Variants in MAGI2 observed in about 807,000 individuals in gnomAD.
The protein encoded by MAGI2 is membrane associated guanylate kinase, WW and PDZ domain containing 2, also known as membrane-associated guanylate kinase, WW and PDZ domain-containing protein 2.
Under a neutral mutation model 133.3 loss-of-function variants are expected in MAGI2, and 35 were observed. That is an observed-to-expected ratio of 0.26 (90% CI 0.20 to 0.35). The LOEUF is 0.35. Among genes scored for constraint, MAGI2 ranks in the 10% least tolerant of loss-of-function variants. The probability of loss-of-function intolerance (pLI) is 1.00; values close to 1 mark genes in which losing one functional copy is unlikely to be tolerated. For synonymous variants in MAGI2, 729 were observed against 710.6 expected (o/e 1.03, Z -0.41); for missense variants, 1,636 against 1,863.4 (o/e 0.88, Z 2.25).
intron 21 of MAGI2, among the ~76,000 whole-genome samples, chr7:78,049,428 G>C (rs912713284): frequency 6.6e-6 from 1 of 152,182 alleles, no homozygotes; most frequent in African/African-American, 2.4e-5. Context: ...ATTTTACTTA[G>C]TGCTCCTACC....
At chr7:78,658,044 G>T (rs945523826) in intron 2 of MAGI2, among the ~76,000 whole-genome samples, 1 of 152,166 alleles carries the variant, frequency 6.6e-6, no homozygotes, top group Non-Finnish European at 1.5e-5. Context: ...TTCTGAAGGA[G>T]ATTGTGCAGA....
At chr7:79,422,357 A>G (rs764117216) in intron 1 of MAGI2, among the ~76,000 whole-genome samples, 1 of 151,952 alleles carries the variant, frequency 6.6e-6, no homozygotes, top group Non-Finnish European at 1.5e-5. Context: ...AAATCATGAG[A>G]TATTATTTGA....
chr7:78,144,018 C>T (rs749995542), intron 16 of MAGI2, among the ~76,000 whole-genome samples: 1 of 151,034 alleles, frequency 6.6e-6, no homozygotes, highest in Non-Finnish European at 1.5e-5. Flanking sequence ...ACCAATTGCT[C>T]TCAATATGAT....
At chr7:79,197,907 T>C (rs1828232213) in intron 1 of MAGI2, among the ~76,000 whole-genome samples, 1 of 151,926 alleles carries the variant, frequency 6.6e-6, no homozygotes, top group Non-Finnish European at 1.5e-5. Flanking sequence ...TATTGCATTG[T>C]GGATTACATT....
In MAGI2 at chr7:79,416,725, C is replaced by CTTTTTTTTTT. The variant is rs1176426138; in HGVS notation, c.301+36294_301+36295insAAAAAAAAAA. Among the ~76,000 whole-genome samples the CTTTTTTTTTT allele has an allele frequency of 4.8e-4, 49 of 102,456 alleles. 14 individuals carry two copies. The highest frequency in any genetic ancestry group is 5.8e-4 in the African/African-American group (14 of 24,046). The allele number at this position is 102,456 out of a possible 152,430, so 67.2% of individuals were successfully genotyped here. A position where few individuals can be genotyped will look rare whatever the true frequency, so the allele number is the denominator to read the frequency against. On this transcript the variant is annotated intron_variant, in intron 1 of 21. Transcript: ENST00000354212. ...TTCTTTTTTCTTTTCTTTTCTTTTT[C>CTTTTTTTTTT]TTTTTCTTTTTTTTTTTTTGAGGTG...
intron 3 of MAGI2, among the ~76,000 whole-genome samples, chr7:78,557,097 AAAAGAAAAAG>A (rs1799918700): frequency 7.2e-6 from 1 of 138,960 alleles, no homozygotes; most frequent in African/African-American, 3.0e-5. Flanking sequence ...AAAAAAAAAA[AAAAGAAAAAG>A]AAAAAAAAAG....
chr7:79,212,901 T>G (rs1347323513), intron 1 of MAGI2, among the ~76,000 whole-genome samples: 2 of 151,956 alleles, frequency 1.3e-5, no homozygotes, highest in African/African-American at 2.4e-5. Flanking sequence ...CTTCCTCTCT[T>G]GAGGGGTTTT....
chr7:78,521,536 C>T lies in MAGI2; in HGVS notation c.648G>A (p.Lys216=), dbSNP rs890975677. The T allele has an allele frequency of 2.5e-6, 4 of 1,614,120 alleles. No individual in the cohort carries two copies. In the East Asian group the frequency reaches 6.7e-5, roughly 27 times the overall value. Reference sequence around the variant, plus strand: ...CCATGTTGCTCACTGATTTATTCCTCTTCCGTTTTCCTTCAGCACTTGGAG... The same window carrying T: ...CCATGTTGCTCACTGATTTATTCCTTTTCCGTTTTCCTTCAGCACTTGGAG... ...GATPSAEGKR[K]RNKSVSNMEK... is the part of the protein sequence containing the mutation. Residue 216 remains lysine, a synonymous_variant, in exon 4 of 22, where the codon AAG becomes AAA. Transcript: ENST00000354212.
chr7:78,813,316 A>G (rs1789238244), intron 2 of MAGI2, among the ~76,000 whole-genome samples: 2 of 152,202 alleles, frequency 1.3e-5, no homozygotes. Flanking sequence ...CAAATAAATC[A>G]GTAATAAAGA....
chr7:78,745,493 G>T (rs779168598), intron 2 of MAGI2, among the ~76,000 whole-genome samples: 1 of 151,882 alleles, frequency 6.6e-6, no homozygotes, highest in African/African-American at 2.4e-5. Flanking sequence ...TGGTCAAGGT[G>T]TGTGCTTTCT....
chr7:78,420,872 T>A (rs774712773), intron 6 of MAGI2, among the ~76,000 whole-genome samples: 1 of 152,166 alleles, frequency 6.6e-6, no homozygotes, highest in Non-Finnish European at 1.5e-5. Flanking sequence ...AATGAATTAT[T>A]TTTGCATGAT....
At chr7:78,783,289 A>G (rs895950209) in intron 2 of MAGI2, among the ~76,000 whole-genome samples, 1 of 152,132 alleles carries the variant, frequency 6.6e-6, no homozygotes, top group African/African-American at 2.4e-5. Flanking sequence ...AGTATCTTTT[A>G]CTAACAAAAC....
At chr7:78,610,212 T>A (rs1290137190) in intron 3 of MAGI2, among the ~76,000 whole-genome samples, 1 of 152,170 alleles carries the variant, frequency 6.6e-6, no homozygotes, top group Non-Finnish European at 1.5e-5. Flanking sequence ...CCTAGTTGGA[T>A]TGTAATTGTG....
chr7:78,828,336 T>G (rs1025853313), intron 2 of MAGI2, among the ~76,000 whole-genome samples: 1 of 152,222 alleles, frequency 6.6e-6, no homozygotes. Flanking sequence ...TGATAAGCCA[T>G]GTTGATAGCA....
chr7:78,565,370 TA>T (rs1203865132), intron 3 of MAGI2, among the ~76,000 whole-genome samples: 6 of 151,256 alleles, frequency 4.0e-5, no homozygotes, highest in African/African-American at 1.5e-4. Flanking sequence ...GAGGCTGAAG[TA>T]GGAGGATCGT....
intron 1 of MAGI2, among the ~76,000 whole-genome samples, chr7:79,268,262 A>T (rs1268045355): frequency 6.6e-6 from 1 of 152,184 alleles, no homozygotes; most frequent in East Asian, 1.9e-4. Context: ...GAACCTCAAC[A>T]CTGGAAATGT....
intron 1 of MAGI2, among the ~76,000 whole-genome samples, chr7:79,276,453 T>G (rs1835233500): frequency 6.6e-6 from 1 of 152,154 alleles, no homozygotes; most frequent in African/African-American, 2.4e-5. Flanking sequence ...AATTATAACT[T>G]TCTGAAGGCT....
At chr7:79,304,228 T>TGTGTGTGTGTGG (rs1837614237) in intron 1 of MAGI2, among the ~76,000 whole-genome samples, 1 of 151,046 alleles carries the variant, frequency 6.6e-6, no homozygotes, top group Non-Finnish European at 1.5e-5. Flanking sequence ...TGTGTGTGTG[T>TGTGTGTGTGTGG]GTGTAGATTT....
chr7:78,685,641 T>TAC (rs1816210505), intron 2 of MAGI2, among the ~76,000 whole-genome samples: 1 of 54,290 alleles, frequency 1.8e-5, no homozygotes, highest in Non-Finnish European at 3.9e-5. Context: ...ATACGTAACC[T>TAC]ATATATATAT....
Sources: gnomAD v4.1 joint callset for allele counts (sites outside exome capture counted in the v4.1 genomes callset) on GRCh38, gnomAD v4.1.1 for gene constraint, MANE v1.5 for transcripts, NCBI Gene and HGNC (gene_info 2026-07-23, HGNC 2026-07-21) for gene names.